Variants in MYO15B observed in about 807,000 individuals in gnomAD.
The protein encoded by MYO15B is myosin XVB.
A neutral mutation model predicts 119.3 loss-of-function variants in MYO15B; 207 were observed. The observed-to-expected ratio is 1.73, with a 90% confidence interval of 1.55 to 1.95. The LOEUF (loss-of-function observed/expected upper bound fraction) is 1.95, where lower values mean the gene tolerates loss of function less well. Ranked by LOEUF, MYO15B falls within the 30% of genes most tolerant of loss-of-function variation. MYO15B has a pLI of 0.00. For synonymous variants in MYO15B, 966 were observed against 498.9 expected (o/e 1.94, Z -12.48); for missense variants, 2,264 against 1,203.1 (o/e 1.88, Z -13.04).
exon 48 of MYO15B, chr17:75,620,286 A>G: frequency 1.4e-6 from 1 of 703,016 alleles, no homozygotes; most frequent in Non-Finnish European, 2.6e-6. Context: ...TACATCACTG[A>G]CAACTGCAGC....
exon 64 of MYO15B, chr17:75,626,430 T>C (rs1292587111): frequency 1.4e-6 from 1 of 703,252 alleles, no homozygotes; most frequent in Non-Finnish European, 2.6e-6. Flanking sequence ...TATACACCAC[T>C]GTCTTCCTGA....
intron 21 of MYO15B, among the ~76,000 whole-genome samples, chr17:75,608,562 A>C (rs12945528): frequency 6.6e-6 from 1 of 151,916 alleles, no homozygotes; most frequent in South Asian, 2.1e-4. Flanking sequence ...AATCACTTGA[A>C]CCTGGGAGGC....
intron 1 of MYO15B, 55 bp downstream of exon 1, chr17:75,590,298 ACCCTGC>A: frequency 2.5e-6 from 1 of 398,934 alleles, no homozygotes. Context: ...CCTCATATCC[ACCCTGC>A]CCTCATCTTT....
In MYO15B at chr17:75,623,802, A is replaced by C. The variant is rs1469213791; in HGVS notation, c.8104A>C (p.Arg2702=). ...ACAGCTGTGCCAGCAGGAGAAGCTGAGGGATGAGATTTACTGCCAGGTTAT... is the reference window on the plus strand; with the variant it reads ...ACAGCTGTGCCAGCAGGAGAAGCTGCGGGATGAGATTTACTGCCAGGTTAT... Residue 2702 remains arginine (R), a synonymous_variant, in exon 54 of 64, where the codon AGG becomes CGG. Coordinates refer to ENST00000645453, the Ensembl canonical transcript of MYO15B. 4.3e-6 allele frequency: 3 copies of C among 703,040 alleles called. No individual in the cohort carries two copies. The Admixed American group carries it at 6.0e-5, about 14-fold the overall frequency. The allele number at this position is 703,040 out of a possible 1,614,324, so 43.6% of individuals were successfully genotyped here. A position where few individuals can be genotyped will look rare whatever the true frequency, so the allele number is the denominator to read the frequency against.
rs900711650 is a variant in MYO15B at position 75,616,594 on chromosome 17, G to C, written c.6315G>C (p.Glu2105Asp). ...AAGGTGGGGCCAAAGCTCCAAAAGA[G>C]GCTGAGGCTGAGCCAGCCAAGGAGA... Residue 2105 changes from glutamate to aspartate, a missense_variant, in exon 39 of 64, where the codon GAG becomes GAC. Glu to Asp is a conservative substitution (Grantham distance 45). Transcript: ENST00000645453. 4.3e-6 allele frequency: 3 copies of C among 702,904 alleles called. No homozygotes were observed. In the African/African-American group the frequency reaches 5.2e-5, roughly 12 times the overall value. 43.5% of individuals were successfully genotyped at this position (702,904 alleles called of 1,614,324 possible).
chr17:75,616,690 G>A (rs1466332486), exon 39 of MYO15B: 3 of 702,974 alleles, frequency 4.3e-6, no homozygotes, highest in South Asian at 3.0e-5. Context: ...CAGACTCCAA[G>A]CCCAAGCGGC....
rs749247022 is a variant in MYO15B, at chr17:75,609,485, A to ATTT, written c.4293-658_4293-656dup. 4.5e-3 allele frequency among the ~76,000 whole-genome samples: 349 copies of ATTT among 77,924 alleles called. 3 individuals are homozygous for ATTT. Among genetic ancestry groups the ATTT allele is most frequent in the Middle Eastern group, 8.6e-3 (1 of 116 alleles). 51.1% of individuals were successfully genotyped at this position (77,924 alleles called of 152,430 possible). Reference sequence around the variant, plus strand: ...CTACCGTACCAAGCTAAGGGAAATGATTTTTTTTTTTTTTTTTTTTTTTTT... The same window carrying ATTT: ...CTACCGTACCAAGCTAAGGGAAATGATTTTTTTTTTTTTTTTTTTTTTTTTTTT... On this transcript the variant is annotated intron_variant, in intron 21 of 63. Coordinates refer to ENST00000645453, the Ensembl canonical transcript of MYO15B.
rs1212217677 is a variant in MYO15B, at chr17:75,589,453, G to A, written c.1396G>A (p.Asp466Asn). 2.5e-6 allele frequency: 1 copy of A among 396,700 alleles called. No homozygotes were observed. Among genetic ancestry groups the A allele is most frequent in the East Asian group, 3.6e-5 (1 of 27,776 alleles). The allele number at this position is 396,700 out of a possible 1,614,324, so 24.6% of individuals were successfully genotyped here. A position where few individuals can be genotyped will look rare whatever the true frequency, so the allele number is the denominator to read the frequency against. The change falls in exon 1 of 64, where the codon GAC (aspartate) becomes AAC (asparagine). Residue 466 changes from aspartate to asparagine, a missense_variant. Transcript: ENST00000645453. The surrounding 1 kb of genome is among the most constrained non-coding windows in gnomAD (Gnocchi z 4.2). ...CGAGGGGCGGGGCTGCGGGAAAGCG[G>A]ACGAGGGGCGGGGTCACGAGAGAGG...
rs555968742 is a variant in MYO15B, at chr17:75,615,812, C to T, written c.5958C>T (p.Ser1986=). The change falls in exon 36 of 64, where the codon TCC becomes TCT. Residue 1986 remains serine, a synonymous_variant. Coordinates refer to ENST00000645453, the Ensembl canonical transcript of MYO15B. ...AGGCCTCACCCTCAGCCGTCACCTC[C>T]AAGCCCAGGAAGCCCCCCACACCCC... 14 of 702,630 alleles carry T rather than the reference C, an allele frequency of 2.0e-5. No individual in the cohort carries two copies. The African/African-American group carries it at 2.3e-4, about 11-fold the overall frequency. The allele number at this position is 702,630 out of a possible 1,614,324, so 43.5% of individuals were successfully genotyped here.
chr17:75,591,318 C>A, intron 4 of MYO15B, 72 bp downstream of exon 4: 1 of 684,866 alleles, frequency 1.5e-6, no homozygotes, highest in South Asian at 1.5e-5. Context: ...GGCCTGAGGT[C>A]TTCACTGGAA....
Position 75,624,523 on chromosome 17 carries a change from C to T in MYO15B, c.8446-20C>T, listed in dbSNP as rs2058907366. 2 of 702,990 alleles carry T rather than the reference C, an allele frequency of 2.8e-6. No homozygotes were observed. Among genetic ancestry groups the T allele is most frequent in the African/African-American group, 3.5e-5 (2 of 57,266 alleles). The allele number at this position is 702,990 out of a possible 1,614,324, so 43.5% of individuals were successfully genotyped here. Reference sequence around the variant, plus strand: ...CCCCCAGCCTCCCTCCCCCTCATCACAGTCTGTCCACATGCCCAGGTAGCA... The same window carrying T: ...CCCCCAGCCTCCCTCCCCCTCATCATAGTCTGTCCACATGCCCAGGTAGCA... On this transcript the variant is annotated intron_variant, in intron 57 of 63. Transcript: ENST00000645453.
At chr17:75,595,414 C>A (rs929831821) in intron 12 of MYO15B, among the ~76,000 whole-genome samples, 2 of 152,138 alleles carry the variant, frequency 1.3e-5, no homozygotes, top group Non-Finnish European at 2.9e-5. Flanking sequence ...TGTCCTCCTG[C>A]TGGGAGGAGT....
At chr17:75,611,468 C>CAAA (rs11410750) in intron 23 of MYO15B, 133 bp from the exon 24 acceptor site, 263 of 472,066 alleles carry the variant, frequency 5.6e-4, no homozygotes, top group Admixed American at 6.6e-4. Flanking sequence ...GACCCTGCCT[C>CAAA]AAAAAAAAAA....
At chr17:75,610,361 G>T (rs555283567) in intron 22 of MYO15B, 102 bp downstream of exon 22, 1 of 576,072 alleles carries the variant, frequency 1.7e-6, no homozygotes, top group Non-Finnish European at 3.1e-6. Flanking sequence ...GCCCGGCCTC[G>T]CACGGGCTGT....
chr17:75,606,188 C>T (rs1438435043), intron 21 of MYO15B, 167 bp downstream of exon 21: 9 of 525,302 alleles, frequency 1.7e-5, no homozygotes, highest in Non-Finnish European at 2.4e-5. Context: ...ACCCCCCATA[C>T]CCGTGCAGCC....
exon 34 of MYO15B, chr17:75,615,332 A>G (rs1568194596): frequency 1.4e-6 from 1 of 702,158 alleles, no homozygotes; most frequent in Admixed American, 2.0e-5. Flanking sequence ...AGTCCCTGCC[A>G]TGCCAGGTAA....
chr17:75,589,638 C>A lies in MYO15B; in HGVS notation c.1581C>A (p.Val527=). 2 of 398,948 alleles carry A rather than the reference C, an allele frequency of 5.0e-6. No homozygotes were observed. Among genetic ancestry groups the A allele is most frequent in the East Asian group, 7.1e-5 (2 of 28,072 alleles). The allele number at this position is 398,948 out of a possible 1,614,324, so 24.7% of individuals were successfully genotyped here. The change falls in exon 1 of 64, where the codon GTC becomes GTA. Residue 527 remains valine (V), a synonymous_variant. Transcript: ENST00000645453. The surrounding 1 kb of genome is among the most constrained non-coding windows in gnomAD (Gnocchi z 4.2). ...CCCCGCAGGTCCCGACAAGCCCAGT[C>A]CCCGGCGACCCTTTTGATCAGGAGG... is the stretch of plus-strand genomic sequence containing the variant.
intron 25 of MYO15B, among the ~76,000 whole-genome samples, chr17:75,612,506 C>T (rs796138213): frequency 1.6e-4 from 25 of 152,150 alleles, no homozygotes; most frequent in African/African-American, 5.8e-4. Flanking sequence ...AACCCCGTCT[C>T]TACTAAAAAT....
chr17:75,613,922 C>T lies in MYO15B; in HGVS notation c.5219+145C>T, dbSNP rs576344118. 4.4e-4 allele frequency: 267 copies of T among 600,832 alleles called. 2 individuals carry two copies. The highest frequency in any genetic ancestry group is 4.3e-3 in the African/African-American group (234 of 53,934). 37.2% of individuals were successfully genotyped at this position (600,832 alleles called of 1,614,324 possible). A position where few individuals can be genotyped will look rare whatever the true frequency, so the allele number is the denominator to read the frequency against. On this transcript the variant is annotated intron_variant, in intron 29 of 63. Coordinates refer to ENST00000645453, the Ensembl canonical transcript of MYO15B. The stretch of plus-strand genomic sequence containing the variant: ...CAGACTGCAGATGGCGATGGGGAGC[C>T]GGGGGCAGATTAGGAATGAGGGGCT...
Sources: gnomAD v4.1 joint callset for allele counts (sites outside exome capture counted in the v4.1 genomes callset) on GRCh38, gnomAD v4.1.1 for gene constraint, Gnocchi (gnomAD v3.1) non-coding constraint, MANE v1.5 for transcripts, NCBI Gene and HGNC (gene_info 2026-07-23, HGNC 2026-07-21) for gene names.